DPYD: variants seen among roughly 807,000 people sequenced by gnomAD.
The protein encoded by DPYD is dihydropyrimidine dehydrogenase [NADP(+)].
DPYD carries 109 observed loss-of-function variants against 116.2 expected under a neutral mutation model. The ratio of observed to expected loss-of-function variants is 0.94; its 90% CI spans 0.80 to 1.10. The LOEUF is 1.10. DPYD is among the 50% of genes least tolerant of loss of function. The pLI, the probability that DPYD is intolerant of heterozygous loss-of-function variation, is 0.00. For missense variants in DPYD, 1,302 were observed against 1,254.5 expected (o/e 1.04, Z -0.57); for synonymous variants, 440 against 432.0 (o/e 1.02, Z -0.23).
intron 18 of DPYD, among the ~76,000 whole-genome samples, chr1:97,301,548 C>A (rs559721380): frequency 6.6e-6 from 1 of 151,986 alleles, no homozygotes; most frequent in East Asian, 1.9e-4. Context: ...AAGTGCAACA[C>A]ACAAAATATA....
intron 16 of DPYD, among the ~76,000 whole-genome samples, chr1:97,310,362 ATCT>A (rs1178644528): frequency 1.3e-5 from 2 of 151,736 alleles, no homozygotes; most frequent in African/African-American, 2.4e-5. Context: ...CTAAACCTTC[ATCT>A]TCTTTAGCAA....
chr1:97,100,183 A>G (rs2101598920), intron 20 of DPYD, among the ~76,000 whole-genome samples: 1 of 152,202 alleles, frequency 6.6e-6, no homozygotes, highest in East Asian at 1.9e-4. Flanking sequence ...AAAAGCATAA[A>G]ATAAATAAGA....
rs1669835909 is a variant in DPYD, at chr1:97,346,278, A to G, written c.2058+27283T>C. Among the ~76,000 whole-genome samples, 5 of 151,848 alleles carry G rather than the reference A, an allele frequency of 3.3e-5. No homozygotes were observed. In the South Asian group the frequency reaches 1.0e-3, roughly 31 times the overall value. ...AGTCTTTTTATCTCTTCTACCATAA[A>G]TGGGCATTTGGTTGTTTCTAGTTTT... On this transcript the variant is annotated intron_variant, in intron 16 of 22. Transcript: ENST00000370192.
chr1:97,085,087 C>A (rs571453996), intron 21 of DPYD, among the ~76,000 whole-genome samples: 9 of 152,192 alleles, frequency 5.9e-5, no homozygotes, highest in African/African-American at 1.9e-4. Context: ...TTTCCCAGTA[C>A]TATTTTAAAA....
intron 12 of DPYD, among the ~76,000 whole-genome samples, chr1:97,545,161 G>A (rs1167219316): frequency 3.3e-5 from 5 of 152,054 alleles, no homozygotes; most frequent in African/African-American, 7.2e-5. Flanking sequence ...GCTATGTACC[G>A]TTTTGTCTTA....
rs57740723 is a variant in DPYD at position 97,530,214 on chromosome 1, CTTTTT to C, written c.1525-14278_1525-14274del. On this transcript the variant is annotated intron_variant, in intron 12 of 22. Coordinates refer to ENST00000370192, the MANE Select transcript of DPYD (RefSeq NM_000110.4). ...TATACATCAGAATTTCTTTTTTTTT[CTTTTT>C]TTTTTTTTTTTTTTTTGAGACGGAG... Among the ~76,000 whole-genome samples, 434 of 112,692 alleles carry C rather than the reference CTTTTT, an allele frequency of 3.9e-3. 3 individuals are homozygous for C. The highest frequency in any genetic ancestry group is 0.014 in the African/African-American group (408 of 30,010). 73.9% of individuals were successfully genotyped at this position (112,692 alleles called of 152,430 possible). A position where few individuals can be genotyped will look rare whatever the true frequency, so the allele number is the denominator to read the frequency against.
In DPYD at chr1:97,192,486, G is replaced by A. The variant is rs559103710; in HGVS notation, c.2622+583C>T. Among the ~76,000 whole-genome samples, 6 of 152,166 alleles carry A rather than the reference G, an allele frequency of 3.9e-5. 1 individual carries two copies. The South Asian group carries it at 1.0e-3, about 26-fold the overall frequency. Reference sequence around the variant, plus strand: ...AGAATAATACAAAGGAAATACAAAGGCAAAATGCTGAATGTTGTTTTAGCA... The same window carrying A: ...AGAATAATACAAAGGAAATACAAAGACAAAATGCTGAATGTTGTTTTAGCA... On this transcript the variant is annotated intron_variant, in intron 20 of 22. Coordinates refer to ENST00000370192, the MANE Select transcript of DPYD (RefSeq NM_000110.4).
chr1:97,167,460 C>A (rs1292519763), intron 20 of DPYD, among the ~76,000 whole-genome samples: 2 of 152,052 alleles, frequency 1.3e-5, no homozygotes, highest in Non-Finnish European at 2.9e-5. Context: ...GAGAAAATGA[C>A]TATATAACTG....
intron 3 of DPYD, among the ~76,000 whole-genome samples, chr1:97,792,047 T>C (rs1330580295): frequency 1.3e-5 from 2 of 151,658 alleles, no homozygotes; most frequent in East Asian, 1.9e-4. Flanking sequence ...TACTTCTTAA[T>C]TGTTCTAAGA....
chr1:97,280,235 C>T (rs968622673), intron 18 of DPYD: 12 of 151,438 alleles, frequency 7.9e-5, no homozygotes, highest in African/African-American at 2.4e-4. Context: ...ACTAGAGAAA[C>T]CAAAACAAAT....
At chr1:97,505,029 T>C (rs1280751623) in intron 13 of DPYD, among the ~76,000 whole-genome samples, 5 of 151,996 alleles carry the variant, frequency 3.3e-5, no homozygotes, top group Non-Finnish European at 5.9e-5. Context: ...ATTGGCCTTT[T>C]AATATTTGAA....
chr1:97,242,123 T>C (rs1662383286), intron 18 of DPYD, among the ~76,000 whole-genome samples: 1 of 23,664 alleles, frequency 4.2e-5, no homozygotes, highest in Non-Finnish European at 6.6e-5. Flanking sequence ...TGTGTGCGTG[T>C]GTATATATAT....
At position 97,161,656 on chromosome 1, in the gene DPYD, G is replaced by A. The variant is rs553994782; in HGVS notation, c.2622+31413C>T. 3.3e-4 allele frequency among the ~76,000 whole-genome samples: 49 copies of A among 150,218 alleles called. 2 individuals carry two copies. The East Asian group carries it at 9.6e-3, about 29-fold the overall frequency. On this transcript the variant is annotated intron_variant, in intron 20 of 22. Coordinates refer to ENST00000370192, the MANE Select transcript of DPYD (RefSeq NM_000110.4). ...TACATATGTATACATGTGCCATGCT[G>A]GTGTGCTGCACCCATTAACTTGTCA...
chr1:97,802,411 C>G (rs1391298760), intron 3 of DPYD, among the ~76,000 whole-genome samples: 1 of 151,798 alleles, frequency 6.6e-6, no homozygotes, highest in Non-Finnish European at 1.5e-5. Context: ...TCCATACTAC[C>G]AGCAATCACT....
chr1:97,570,082 G>C (rs1382910210), intron 11 of DPYD, among the ~76,000 whole-genome samples: 1 of 151,918 alleles, frequency 6.6e-6, no homozygotes, highest in African/African-American at 2.4e-5. Context: ...ATTTATTACA[G>C]ATATATTAGG....
At chr1:97,479,236 A>G (rs1678166780) in intron 13 of DPYD, among the ~76,000 whole-genome samples, 1 of 152,214 alleles carries the variant, frequency 6.6e-6, no homozygotes, top group Non-Finnish European at 1.5e-5. Flanking sequence ...GGTTTTCGAA[A>G]TGCCACCTCC....
rs1220183965 is a variant in DPYD, at chr1:97,595,066, A to G, written c.951T>C (p.Ser317=). 4 of 1,612,056 alleles carry G rather than the reference A, an allele frequency of 2.5e-6. No individual in the cohort carries two copies. Among genetic ancestry groups the G allele is most frequent in the Non-Finnish European group, 3.4e-6 (4 of 1,178,254 alleles). Residue 317 remains serine (S), a synonymous_variant, in exon 9 of 23, where the codon AGT becomes AGC. Transcript: ENST00000370192. The part of the protein sequence containing the change: ...KDFLPLVAKG[S]KAGMCACHSP... ...AAAGACAATATGTTATACCTGCTTT[A>G]CTGCCTTTGGCTACAAGTGGCAAAA...
At chr1:97,267,512 G>A (rs890633471) in intron 18 of DPYD, among the ~76,000 whole-genome samples, 3 of 152,122 alleles carry the variant, frequency 2.0e-5, no homozygotes, top group African/African-American at 7.2e-5. Context: ...GAGCCTTCCT[G>A]CTGTGTCATC....
rs80119522 is a variant in DPYD, at chr1:97,122,571, G to T, written c.2623-23939C>A. On this transcript the variant is annotated intron_variant, in intron 20 of 22. Coordinates refer to ENST00000370192, the MANE Select transcript of DPYD (RefSeq NM_000110.4). ...CTTTCTAGTATTCTTAATCTGAATG[G>T]TTAAGAATTCTTCAAATGAAATCTC... Among the ~76,000 whole-genome samples the T allele has an allele frequency of 7.9e-3, 1,202 of 152,074 alleles. 15 individuals are homozygous for T. Among genetic ancestry groups the T allele is most frequent in the Admixed American group, 0.013 (192 of 15,270 alleles).
Sources: gnomAD v4.1 joint callset for allele counts (sites outside exome capture counted in the v4.1 genomes callset) on GRCh38, gnomAD v4.1.1 for gene constraint, MANE v1.5 for transcripts, NCBI Gene and HGNC (gene_info 2026-07-23, HGNC 2026-07-21) for gene names.